The following CLSTN2 variants were observed in gnomAD, a reference collection of about 807,000 sequenced individuals.
The protein encoded by CLSTN2 is calsyntenin-2.
Under a neutral mutation model 101.2 loss-of-function variants are expected in CLSTN2, and 48 were observed. The observed-to-expected ratio is 0.47, with a 90% CI of 0.38 to 0.60. The LOEUF (loss-of-function observed/expected upper bound fraction) is 0.60. Ranked by LOEUF, CLSTN2 falls within the 20% of genes least tolerant of loss-of-function variation. The pLI, the probability that CLSTN2 is intolerant of heterozygous loss-of-function variation, is 0.00. For missense variants in CLSTN2, 1,160 were observed against 1,238.2 expected, an observed-to-expected ratio of 0.94 and a Z score of 0.95; for synonymous variants, 481 against 463.6, an observed-to-expected ratio of 1.04 and a Z score of -0.48.
chr3:140,440,546 A>T (rs1209554359), intron 5 of CLSTN2, among the ~76,000 whole-genome samples: 3 of 152,222 alleles, frequency 2.0e-5, no homozygotes, highest in Admixed American at 6.5e-5. Flanking sequence ...ATGATGTGTC[A>T]GATACAGGGC....
chr3:140,519,783 T>C (rs1008067678), intron 8 of CLSTN2, among the ~76,000 whole-genome samples: 6 of 152,204 alleles, frequency 3.9e-5, no homozygotes, highest in African/African-American at 1.4e-4. Context: ...TTCTGTGTCT[T>C]TAAATTGGAA....
At chr3:140,270,401 C>CTT (rs1172503108) in intron 2 of CLSTN2, among the ~76,000 whole-genome samples, 3 of 152,188 alleles carry the variant, frequency 2.0e-5, no homozygotes, top group Non-Finnish European at 4.4e-5. Flanking sequence ...TTGTCAACCA[C>CTT]TTTGTCAGCC....
At chr3:140,141,946 T>G (rs780050737) in intron 1 of CLSTN2, among the ~76,000 whole-genome samples, 9 of 152,210 alleles carry the variant, frequency 5.9e-5, no homozygotes, top group Non-Finnish European at 1.3e-4. Flanking sequence ...TTCCCAAACT[T>G]GTCTCGTCCA....
intron 4 of CLSTN2, among the ~76,000 whole-genome samples, chr3:140,420,285 T>C (rs1456591685): frequency 6.7e-6 from 1 of 149,742 alleles, no homozygotes; most frequent in Non-Finnish European, 1.5e-5. Context: ...CTGTCAACTC[T>C]GCCGCCAAAA....
intron 1 of CLSTN2, among the ~76,000 whole-genome samples, chr3:139,947,894 A>G (rs73867238): frequency 0.05 from 7,569 of 152,032 alleles, 590 homozygotes; most frequent in African/African-American, 0.17. Flanking sequence ...TTCCATGCCA[A>G]TCTTCCAGAA....
chr3:140,135,159 TATAA>T (rs1370170752), intron 1 of CLSTN2, among the ~76,000 whole-genome samples: 11 of 102,112 alleles, frequency 1.1e-4, no homozygotes, highest in African/African-American at 3.5e-4. Flanking sequence ...TATATATATA[TATAA>T]AATATGCTGG....
At chr3:140,509,457 C>T (rs76739035) in intron 8 of CLSTN2, among the ~76,000 whole-genome samples, 9,736 of 152,112 alleles carry the variant, frequency 0.064, 373 homozygotes, top group Non-Finnish European at 0.094. Flanking sequence ...GTTCAGAGAC[C>T]ACACTTTGAG....
chr3:140,025,623 A>C (rs1485372390), intron 1 of CLSTN2, among the ~76,000 whole-genome samples: 1 of 152,218 alleles, frequency 6.6e-6, no homozygotes, highest in Admixed American at 6.5e-5. Context: ...CTTCACGAGC[A>C]AAGCAGGAAG....
At position 140,015,850 on chromosome 3, in the gene CLSTN2, C is replaced by T. The variant is rs940497313; in HGVS notation, c.109+80367C>T. On this transcript the variant is annotated intron_variant, in intron 1 of 16. Transcript: ENST00000458420. ...AAGCAGGCTGTCAGCCTCTGCTCCA[C>T]CTTTCTGACCACTTTCCCTCCTATG... 4.6e-5 allele frequency among the ~76,000 whole-genome samples: 7 copies of T among 152,232 alleles called. No homozygotes were observed. The East Asian group carries it at 1.3e-3, about 29-fold the overall frequency.
chr3:140,458,776 A>G (rs547366448), intron 6 of CLSTN2, among the ~76,000 whole-genome samples: 1 of 152,314 alleles, frequency 6.6e-6, no homozygotes, highest in East Asian at 1.9e-4. Context: ...GCAAGCTCTA[A>G]TGCATTATCT....
chr3:140,057,100 T>C (rs1009099491), intron 1 of CLSTN2, among the ~76,000 whole-genome samples: 2 of 152,208 alleles, frequency 1.3e-5, no homozygotes, highest in Non-Finnish European at 2.9e-5. Flanking sequence ...CATTTTTCCA[T>C]GAAGCAAGTG....
At chr3:140,045,742 A>T (rs1420115522) in intron 1 of CLSTN2, among the ~76,000 whole-genome samples, 3 of 152,198 alleles carry the variant, frequency 2.0e-5, no homozygotes, top group African/African-American at 7.2e-5. Context: ...GGTTTCAAAG[A>T]ACATCTTTAT....
chr3:140,393,676 G>C (rs1456902176), intron 2 of CLSTN2, among the ~76,000 whole-genome samples: 1 of 152,138 alleles, frequency 6.6e-6, no homozygotes, highest in Non-Finnish European at 1.5e-5. Context: ...AACCAAGGTA[G>C]GATCTAGGTA....
At chr3:140,074,398 T>C (rs1036964251) in intron 1 of CLSTN2, among the ~76,000 whole-genome samples, 1 of 152,060 alleles carries the variant, frequency 6.6e-6, no homozygotes, top group Admixed American at 6.6e-5. Flanking sequence ...GTCGACAACC[T>C]GGGTTGGGGG....
chr3:140,050,169 C>T (rs2007963166), intron 1 of CLSTN2, among the ~76,000 whole-genome samples: 1 of 152,212 alleles, frequency 6.6e-6, no homozygotes, highest in African/African-American at 2.4e-5. Context: ...TTCAACCATA[C>T]ATTAGATAAT....
intron 1 of CLSTN2, among the ~76,000 whole-genome samples, chr3:140,060,138 A>G (rs927579837): frequency 1.3e-5 from 2 of 152,218 alleles, no homozygotes. Context: ...ATATAGGAAG[A>G]GTTCAATACA....
chr3:140,141,971 C>T (rs1023486409), intron 1 of CLSTN2, among the ~76,000 whole-genome samples: 3 of 151,998 alleles, frequency 2.0e-5, no homozygotes, highest in African/African-American at 7.2e-5. Context: ...ATAAAGAAAA[C>T]AAAAAATAAG....
chr3:140,342,404 C>A (rs1035484084), intron 2 of CLSTN2, among the ~76,000 whole-genome samples: 2 of 152,108 alleles, frequency 1.3e-5, no homozygotes, highest in Admixed American at 6.5e-5. Context: ...TTTCTAGGTC[C>A]TGTACAGTGA....
chr3:140,457,945 C>A (rs1933445759), intron 6 of CLSTN2, among the ~76,000 whole-genome samples: 2 of 152,158 alleles, frequency 1.3e-5, no homozygotes, highest in African/African-American at 2.4e-5. Context: ...AAGCCTCTCC[C>A]AGAGTGAACC....
Sources: gnomAD v4.1 joint callset for allele counts (sites outside exome capture counted in the v4.1 genomes callset) on GRCh38, gnomAD v4.1.1 for gene constraint, MANE v1.5 for transcripts, NCBI Gene and HGNC (gene_info 2026-07-23, HGNC 2026-07-21) for gene names.